PEBP4: variants seen among roughly 807,000 people sequenced by gnomAD.
PEBP4 encodes the protein phosphatidylethanolamine binding protein 4.
Under a neutral mutation model 23.9 loss-of-function variants are expected in PEBP4, and 22 were observed. That is an observed-to-expected ratio of 0.92 (90% confidence interval 0.66 to 1.31). The LOEUF (loss-of-function observed/expected upper bound fraction) is 1.31. Among genes scored for constraint, PEBP4 ranks in the 40% most tolerant of loss-of-function variants. The pLI is 0.00. For missense variants in PEBP4, 324 were observed against 281.7 expected, an observed-to-expected ratio of 1.15 and a Z score of -1.07; for synonymous variants, 112 against 99.3, an observed-to-expected ratio of 1.13 and a Z score of -0.76.
chr8:22,911,668 G>A (rs866727787), intron 3 of PEBP4, among the ~76,000 whole-genome samples: 10 of 152,152 alleles, frequency 6.6e-5, no homozygotes, highest in South Asian at 4.1e-4. Flanking sequence ...CACAAAGGCC[G>A]GCAGCTATTT....
intron 4 of PEBP4, among the ~76,000 whole-genome samples, chr8:22,764,117 G>A (rs992069185): frequency 3.9e-5 from 6 of 152,160 alleles, no homozygotes; most frequent in Non-Finnish European, 8.8e-5. Flanking sequence ...CAAGGATGAA[G>A]AAAAAATGGC....
chr8:22,786,036 T>C (rs1445480942), intron 4 of PEBP4, among the ~76,000 whole-genome samples: 10 of 152,212 alleles, frequency 6.6e-5, no homozygotes, highest in Admixed American at 6.5e-4. Context: ...AGACAGTGCA[T>C]GTTTAGAAAG....
intron 4 of PEBP4, among the ~76,000 whole-genome samples, chr8:22,793,505 T>G (rs1414149555): frequency 6.6e-6 from 1 of 150,432 alleles, no homozygotes; most frequent in Non-Finnish European, 1.5e-5. Flanking sequence ...GGTCTCGAAC[T>G]CCTGACCTCA....
chr8:22,930,414 T>C (rs933164536), upstream of PEBP4, among the ~76,000 whole-genome samples: 5 of 152,280 alleles, frequency 3.3e-5, no homozygotes, highest in South Asian at 2.1e-4. Flanking sequence ...GTTATTTGCT[T>C]AGTGATAGTA....
In PEBP4 at chr8:22,865,416, C is replaced by T. The variant is rs1345737194; in HGVS notation, c.259-47681G>A. ...GGACCCCGGGCCTGGCTGCGCGCTCCACCTGCGCCTCCAGGGCGTTGGGCG... is the reference window on the plus strand; with the variant it reads ...GGACCCCGGGCCTGGCTGCGCGCTCTACCTGCGCCTCCAGGGCGTTGGGCG... On this transcript the variant is annotated intron_variant, in intron 3 of 6. Transcript: ENST00000256404. This position sits in a 1 kb window ranked among gnomAD's most constrained non-coding sequence, Gnocchi z 6.9. Among the ~76,000 whole-genome samples the T allele has an allele frequency of 1.3e-5, 2 of 151,978 alleles. No homozygotes were observed. Among genetic ancestry groups the T allele is most frequent in the African/African-American group, 4.8e-5 (2 of 41,418 alleles).
intron 3 of PEBP4, among the ~76,000 whole-genome samples, chr8:22,877,345 T>C (rs1441647688): frequency 2.0e-5 from 3 of 152,318 alleles, no homozygotes; most frequent in South Asian, 4.1e-4. Flanking sequence ...GTTTTGATTC[T>C]GAGGTCAGAA....
chr8:22,909,792 G>C (rs572231429), intron 3 of PEBP4, among the ~76,000 whole-genome samples: 46 of 152,342 alleles, frequency 3.0e-4, no homozygotes, highest in African/African-American at 1.0e-3. Context: ...TGAAATGAGG[G>C]CACTCATGCC....
At chr8:22,715,400 A>G (rs915361366) in intron 6 of PEBP4, among the ~76,000 whole-genome samples, 16 of 147,812 alleles carry the variant, frequency 1.1e-4, no homozygotes, top group African/African-American at 4.0e-4. Context: ...GTGCACACAC[A>G]TGTGTATGTG....
At chr8:22,877,025 C>G (rs185471041) in intron 3 of PEBP4, among the ~76,000 whole-genome samples, 46 of 152,258 alleles carry the variant, frequency 3.0e-4, no homozygotes, top group South Asian at 1.5e-3. Flanking sequence ...GAAAAGCACT[C>G]CATATATATT....
chr8:22,841,444 G>A (rs1317813110), intron 3 of PEBP4, among the ~76,000 whole-genome samples: 4 of 152,346 alleles, frequency 2.6e-5, no homozygotes, highest in Admixed American at 2.6e-4. Flanking sequence ...GTCATTGATA[G>A]GGAACAGCTT....
At chr8:22,778,712 G>C (rs1300613776) in intron 4 of PEBP4, among the ~76,000 whole-genome samples, 6 of 152,178 alleles carry the variant, frequency 3.9e-5, no homozygotes, top group Non-Finnish European at 8.8e-5. Context: ...AAAGCCTCCT[G>C]GGAGAAGGTT....
chr8:22,815,601 C>T (rs1241513618), intron 4 of PEBP4, among the ~76,000 whole-genome samples: 1 of 152,216 alleles, frequency 6.6e-6, no homozygotes, highest in Admixed American at 6.5e-5. Flanking sequence ...CTGCTGAACA[C>T]TCACGAGGGA....
intron 4 of PEBP4, among the ~76,000 whole-genome samples, chr8:22,774,575 A>T (rs1261524651): frequency 6.6e-6 from 1 of 152,180 alleles, no homozygotes; most frequent in Non-Finnish European, 1.5e-5. Flanking sequence ...AGGAGTCAGC[A>T]AGAGAAAAAT....
At position 22,804,939 on chromosome 8, in the gene PEBP4, G is replaced by A. The variant is rs1161389438; in HGVS notation, c.357+12698C>T. ...CCCTCGGCCCGGCTGCCCTGTCCTCGCAGGGTTGCCTGGTGAATTCCCACT... is the reference window on the plus strand; with the variant it reads ...CCCTCGGCCCGGCTGCCCTGTCCTCACAGGGTTGCCTGGTGAATTCCCACT... On this transcript the variant is annotated intron_variant, in intron 4 of 6. Coordinates refer to ENST00000256404, the MANE Select transcript of PEBP4 (RefSeq NM_144962.3). Among the ~76,000 whole-genome samples, 3 of 152,082 alleles carry A rather than the reference G, an allele frequency of 2.0e-5. 1 individual carries two copies. Among genetic ancestry groups the A allele is most frequent in the South Asian group, 4.2e-4 (2 of 4,816 alleles).
At chr8:22,765,837 CCATT>C (rs1805602461) in intron 4 of PEBP4, among the ~76,000 whole-genome samples, 3 of 145,064 alleles carry the variant, frequency 2.1e-5, no homozygotes, top group Admixed American at 6.8e-5. Context: ...TGGATCACCA[CCATT>C]CATGGATCAC....
At chr8:22,940,813 C>T (rs1809603154) in intron 1 of PEBP4, among the ~76,000 whole-genome samples, 1 of 152,150 alleles carries the variant, frequency 6.6e-6, no homozygotes, top group African/African-American at 2.4e-5. Flanking sequence ...CTAATAGCTC[C>T]CTAGGCCAAG....
intron 3 of PEBP4, chr8:22,878,213 A>AGAGGGAGGGGGAGAGGGAGG (rs1563246423): frequency 3.1e-5 from 4 of 128,160 alleles, no homozygotes; most frequent in African/African-American, 5.7e-5. Flanking sequence ...GTGAGCATGG[A>AGAGGGAGGGGGAGAGGGAGG]GAGGGAGGGG....
At chr8:22,917,171 T>C (rs1483297993) in intron 3 of PEBP4, among the ~76,000 whole-genome samples, 1 of 152,090 alleles carries the variant, frequency 6.6e-6, no homozygotes, top group Non-Finnish European at 1.5e-5. Flanking sequence ...GTCACTGCTT[T>C]GGTGGCATTG....
At chr8:22,737,726 A>G (rs944115667) in intron 4 of PEBP4, among the ~76,000 whole-genome samples, 2 of 152,184 alleles carry the variant, frequency 1.3e-5, no homozygotes, top group Non-Finnish European at 2.9e-5. Context: ...AATCAGCTAC[A>G]TGACTTTGAG....
Sources: gnomAD v4.1 joint callset for allele counts (sites outside exome capture counted in the v4.1 genomes callset) on GRCh38, gnomAD v4.1.1 for gene constraint, Gnocchi (gnomAD v3.1) non-coding constraint, MANE v1.5 for transcripts, NCBI Gene and HGNC (gene_info 2026-07-23, HGNC 2026-07-21) for gene names.